Variants in ARRB1 observed in about 807,000 individuals in gnomAD.
The protein encoded by ARRB1 is arrestin beta 1.
In ARRB1, 21 loss-of-function variants were observed where a neutral mutation model predicts 56.8. The ratio of observed to expected loss-of-function variants is 0.37; its 90% CI spans 0.26 to 0.53. The LOEUF (loss-of-function observed/expected upper bound fraction) is 0.53, where lower values mean the gene tolerates loss of function less well. ARRB1 is among the 20% of genes least tolerant of loss of function. The pLI is 0.88. For synonymous variants in ARRB1, 210 were observed against 218.6 expected, an observed-to-expected ratio of 0.96 and a Z score of 0.35; for missense variants, 424 against 553.7, an observed-to-expected ratio of 0.77 and a Z score of 2.35.
At chr11:75,277,542 T>A in intron 8 of ARRB1, 94 bp from the exon 9 acceptor site, 3 of 1,158,984 alleles carry the variant, frequency 2.6e-6, no homozygotes, top group Non-Finnish European at 3.9e-6. Flanking sequence ...TCTTCTGGGG[T>A]TCCCCAGACC....
rs553850872 is a variant in ARRB1 at position 75,350,870 on chromosome 11, G to A, written c.20+718C>T. Reference sequence around the variant, plus strand: ...GGGGCCTGAAGCGTGTGTGTCAGCGGGCCTTGGGCTAGCAGCTCGTGCCTG... The same window carrying A: ...GGGGCCTGAAGCGTGTGTGTCAGCGAGCCTTGGGCTAGCAGCTCGTGCCTG... On this transcript the variant is annotated intron_variant, in intron 1 of 15. Coordinates refer to ENST00000420843, the MANE Select transcript of ARRB1 (RefSeq NM_004041.5). Among the ~76,000 whole-genome samples, 3 of 152,266 alleles carry A rather than the reference G, an allele frequency of 2.0e-5. No individual in the cohort carries two copies. The South Asian group carries it at 6.2e-4, about 32-fold the overall frequency.
At chr11:75,316,822 C>T (rs1947273665) in intron 1 of ARRB1, among the ~76,000 whole-genome samples, 1 of 151,894 alleles carries the variant, frequency 6.6e-6, no homozygotes, top group Non-Finnish European at 1.5e-5. Context: ...AATCCCAGCA[C>T]TTTGGGAGGC....
chr11:75,283,371 G>T lies in ARRB1; in HGVS notation c.270C>A (p.Ala90=), dbSNP rs148842251. ...FVANVQSFPP[A]PEDKKPLTRL... Reference sequence around the variant, plus strand: ...GCGTCAGGGGCTTCTTGTCCTCGGGGGCCGGTGGGAACGACTGTACGTTGG... The same window carrying T: ...GCGTCAGGGGCTTCTTGTCCTCGGGTGCCGGTGGGAACGACTGTACGTTGG... The change falls in exon 5 of 16, where the codon GCC becomes GCA. Residue 90 remains alanine, a synonymous_variant. Coordinates refer to ENST00000420843, the MANE Select transcript of ARRB1 (RefSeq NM_004041.5). The T allele has an allele frequency of 3.9e-4, 637 of 1,614,044 alleles. No individual in the cohort carries two copies. The highest frequency in any genetic ancestry group is 5.1e-4 in the Non-Finnish European group (606 of 1,180,002).
intron 1 of ARRB1, among the ~76,000 whole-genome samples, chr11:75,336,713 A>G (rs1343380864): frequency 2.6e-5 from 4 of 152,106 alleles, no homozygotes; most frequent in Admixed American, 1.3e-4. Context: ...TCTACCAAAC[A>G]TAGTCACTGC....
At chr11:75,306,531 T>C (rs1233470568) in intron 1 of ARRB1, 2 of 1,147,382 alleles carry the variant, frequency 1.7e-6, no homozygotes, top group Non-Finnish European at 2.3e-6. Flanking sequence ...AACTTCCTGG[T>C]GAGTCAGATA....
At chr11:75,266,375 G>T in intron 15 of ARRB1, 101 bp from the exon 16 acceptor site, 2 of 971,710 alleles carry the variant, frequency 2.1e-6, no homozygotes, top group Non-Finnish European at 1.6e-6. Context: ...TGGCTCTGGG[G>T]CCGGGGAGAA....
rs1186075327 is a variant in ARRB1 at position 75,266,061 on chromosome 11, G to A, written c.*102C>T. ...CCCACGGGGCCCCCTGGTAGAAACT[G>A]GAAGAACAAAGGGGAAAAGAAACCA... On this transcript the variant is annotated 3_prime_UTR_variant, in exon 16 of 16. Coordinates refer to ENST00000420843, the MANE Select transcript of ARRB1 (RefSeq NM_004041.5). The A allele has an allele frequency of 2.8e-6, 3 of 1,075,882 alleles. No individual in the cohort carries two copies. The highest frequency in any genetic ancestry group is 3.1e-5 in the African/African-American group (2 of 64,182). 66.6% of individuals were successfully genotyped at this position (1,075,882 alleles called of 1,614,324 possible).
intron 1 of ARRB1, among the ~76,000 whole-genome samples, chr11:75,332,383 G>C (rs376214014): frequency 6.6e-6 from 1 of 152,072 alleles, no homozygotes; most frequent in Non-Finnish European, 1.5e-5. Context: ...CTTTTTCTTC[G>C]AGGCCCTCCC....
intron 1 of ARRB1, among the ~76,000 whole-genome samples, chr11:75,305,125 G>A (rs779419417): frequency 6.7e-6 from 1 of 148,822 alleles, no homozygotes; most frequent in Non-Finnish European, 1.5e-5. Context: ...CCACCTCCTG[G>A]GTTCATGCAA....
intron 1 of ARRB1, among the ~76,000 whole-genome samples, chr11:75,318,147 CTTTTTTTTTTTTT>C (rs547084580): frequency 2.6e-5 from 2 of 76,880 alleles, no homozygotes; most frequent in Admixed American, 1.5e-4. Context: ...GCATTTCTAA[CTTTTTTTTTTTTT>C]TTTTTTTTTT....
intron 2 of ARRB1, among the ~76,000 whole-genome samples, chr11:75,287,839 T>C (rs886366349): frequency 1.3e-5 from 2 of 152,254 alleles, no homozygotes; most frequent in African/African-American, 4.8e-5. Flanking sequence ...GATCCACTGA[T>C]ACGAGGACTC....
chr11:75,270,105 A>G (rs1271072853), intron 13 of ARRB1, among the ~76,000 whole-genome samples: 1 of 152,248 alleles, frequency 6.6e-6, no homozygotes, highest in African/African-American at 2.4e-5. Flanking sequence ...TTTGAGTCTC[A>G]CTGAGCTCAA....
intron 1 of ARRB1, among the ~76,000 whole-genome samples, chr11:75,316,458 G>A (rs566715864): frequency 6.6e-6 from 1 of 152,190 alleles, no homozygotes; most frequent in Non-Finnish European, 1.5e-5. Context: ...CTAGGCTAGA[G>A]GAACTCCTAA....
At chr11:75,321,012 A>G (rs1947342325) in intron 1 of ARRB1, among the ~76,000 whole-genome samples, 1 of 152,102 alleles carries the variant, frequency 6.6e-6, no homozygotes, top group South Asian at 2.1e-4. Context: ...GTGCACAGAC[A>G]CACACATACA....
intron 1 of ARRB1, among the ~76,000 whole-genome samples, chr11:75,319,580 C>T (rs917010460): frequency 3.9e-5 from 6 of 152,210 alleles, no homozygotes; most frequent in Non-Finnish European, 7.3e-5. Flanking sequence ...ACTGCTCCAT[C>T]AGGTCACCCT....
intron 1 of ARRB1, among the ~76,000 whole-genome samples, chr11:75,325,034 A>G (rs1191591953): frequency 6.6e-6 from 1 of 152,056 alleles, no homozygotes; most frequent in Non-Finnish European, 1.5e-5. Context: ...CCTGAAGAAA[A>G]CCCTGTGGAA....
rs147622645 is a variant in ARRB1 at position 75,263,666 on chromosome 11, G to C, written c.*2497C>G. On this transcript the variant is annotated 3_prime_UTR_variant, in exon 16 of 16. Transcript: ENST00000420843. ...TGGCTCCAGTACTTGGCATAGAGCT[G>C]AGTCATCAGCAAAGGATGGTAGGCT... Among the ~76,000 whole-genome samples, 120 of 151,928 alleles carry C rather than the reference G, an allele frequency of 7.9e-4. No homozygotes were observed. The highest frequency in any genetic ancestry group is 2.6e-3 in the African/African-American group (106 of 41,418).
chr11:75,271,426 C>A (rs968661851), intron 13 of ARRB1: 54 of 356,904 alleles, frequency 1.5e-4, no homozygotes, highest in Non-Finnish European at 3.5e-5. Flanking sequence ...TTCAGGTGAT[C>A]AGTAATTCAG....
At chr11:75,273,896 G>C (rs905267821) in intron 11 of ARRB1, among the ~76,000 whole-genome samples, 178 bp downstream of exon 11, 6 of 152,170 alleles carry the variant, frequency 3.9e-5, no homozygotes, top group Non-Finnish European at 7.4e-5. Context: ...TCACCCCTGG[G>C]TAGGGTTGGG....
Sources: gnomAD v4.1 joint callset for allele counts (sites outside exome capture counted in the v4.1 genomes callset) on GRCh38, gnomAD v4.1.1 for gene constraint, MANE v1.5 for transcripts, NCBI Gene and HGNC (gene_info 2026-07-23, HGNC 2026-07-21) for gene names.